The following SCAMP2 variants were observed in gnomAD, a reference collection of about 807,000 sequenced individuals.
SCAMP2 encodes secretory carrier-associated membrane protein 2.
A neutral mutation model predicts 44.1 loss-of-function variants in SCAMP2; 25 were observed. That is an observed-to-expected ratio of 0.57 (90% CI 0.41 to 0.79). The LOEUF (loss-of-function observed/expected upper bound fraction) is 0.79. Among genes scored for constraint, SCAMP2 ranks in the 30% least tolerant of loss-of-function variants. SCAMP2 has a pLI of 0.00. For missense variants in SCAMP2, 355 were observed against 411.0 expected (o/e 0.86, Z 1.18); for synonymous variants, 156 against 166.0 (o/e 0.94, Z 0.46).
intron 1 of SCAMP2, among the ~76,000 whole-genome samples, chr15:74,870,793 A>G (rs776234447): frequency 4.6e-5 from 7 of 152,350 alleles, no homozygotes; most frequent in Middle Eastern, 3.4e-3. Context: ...CTGACAGCGT[A>G]TAATTATTTA....
intron 1 of SCAMP2, among the ~76,000 whole-genome samples, chr15:74,868,299 G>A (rs909503435): frequency 6.6e-6 from 1 of 152,180 alleles, no homozygotes; most frequent in African/African-American, 2.4e-5. Flanking sequence ...CACACGCAAG[G>A]AAGAGGTCAT....
intron 1 of SCAMP2, 51 bp from the exon 2 acceptor site, chr15:74,854,700 G>C: frequency 6.6e-7 from 1 of 1,514,894 alleles, no homozygotes; most frequent in African/African-American, 1.4e-5. Context: ...ATCCGGGCCA[G>C]GGGCCGGCAG....
chr15:74,855,549 T>C (rs764246450), intron 1 of SCAMP2, among the ~76,000 whole-genome samples: 2 of 151,926 alleles, frequency 1.3e-5, no homozygotes, highest in Non-Finnish European at 2.9e-5. Context: ...AAACCCCGTC[T>C]CTACTAAAAA....
rs915926010 is a variant in SCAMP2 at position 74,866,845 on chromosome 15, G to C, written c.57+6354C>G. On this transcript the variant is annotated intron_variant, in intron 1 of 8. Coordinates refer to ENST00000268099, the MANE Select transcript of SCAMP2 (RefSeq NM_005697.5). The stretch of plus-strand genomic sequence containing the variant: ...GGAGTCTCGCTCTGTCATGCAGGCT[G>C]GGGGGCAGTGGTGCAATCTCGGCTC... Among the ~76,000 whole-genome samples the C allele has an allele frequency of 1.1e-3, 158 of 150,162 alleles. 1 individual carries two copies. Among genetic ancestry groups the C allele is most frequent in the Admixed American group, 1.7e-3 (26 of 15,032 alleles).
intron 3 of SCAMP2, chr15:74,852,463 T>G: frequency 3.1e-6 from 1 of 318,882 alleles, no homozygotes; most frequent in Non-Finnish European, 5.7e-6. Flanking sequence ...CTACCCCCAT[T>G]GGCTTCTCCA....
At chr15:74,853,151 G>C (rs1054712549) in intron 3 of SCAMP2, 1 of 325,672 alleles carries the variant, frequency 3.1e-6, no homozygotes, top group Non-Finnish European at 6.2e-6. Context: ...GAGCAGAACT[G>C]ACCCCGCTGT....
intron 1 of SCAMP2, among the ~76,000 whole-genome samples, chr15:74,871,551 G>A (rs1043245340): frequency 3.3e-5 from 5 of 152,014 alleles, no homozygotes; most frequent in Admixed American, 6.6e-5. Flanking sequence ...TCGGGAGTTC[G>A]AGACCAGCCT....
chr15:74,851,054 G>A (rs1038699126), intron 5 of SCAMP2, among the ~76,000 whole-genome samples: 31 of 152,314 alleles, frequency 2.0e-4, no homozygotes, highest in Middle Eastern at 3.4e-3. Flanking sequence ...ACAGGCCTGT[G>A]GGCAGGGAAG....
In SCAMP2 at chr15:74,854,124, A is replaced by G. The variant is rs985926997; in HGVS notation, c.127-5T>C. 3 of 1,612,248 alleles carry G rather than the reference A, an allele frequency of 1.9e-6. No individual in the cohort carries two copies. Among genetic ancestry groups the G allele is most frequent in the African/African-American group, 2.7e-5 (2 of 74,890 alleles). On this transcript the variant is annotated splice_polypyrimidine_tract_variant and splice_region_variant and intron_variant, in intron 2 of 8. Transcript: ENST00000268099. Reference sequence around the variant, plus strand: ...AACTGTTGTCGCTGCATTTGTCTACATGGAACAAATCAAAAGACAGAATTG... The same window carrying G: ...AACTGTTGTCGCTGCATTTGTCTACGTGGAACAAATCAAAAGACAGAATTG...
At chr15:74,864,903 A>G (rs1288439756) in intron 1 of SCAMP2, among the ~76,000 whole-genome samples, 2 of 151,324 alleles carry the variant, frequency 1.3e-5, no homozygotes, top group African/African-American at 4.9e-5. Flanking sequence ...TCTGGCCAAC[A>G]TGGTGAAACC....
intron 1 of SCAMP2, among the ~76,000 whole-genome samples, chr15:74,871,147 C>T (rs2064572384): frequency 6.6e-6 from 1 of 152,136 alleles, no homozygotes; most frequent in Non-Finnish European, 1.5e-5. Flanking sequence ...AGCTGAAAGG[C>T]AGAAAGGTGT....
At position 74,843,790 on chromosome 15, in the gene SCAMP2, T is replaced by A. The variant is rs1416448907; in HGVS notation, c.*1293A>T. On this transcript the variant is annotated 3_prime_UTR_variant, in exon 9 of 9. Coordinates refer to ENST00000268099, the MANE Select transcript of SCAMP2 (RefSeq NM_005697.5). ...AAAATTGAGACGTAACATATACATT[T>A]GTACATAGAGGGGAAAAAATACCAG... 1 of 152,156 alleles carries A rather than the reference T, an allele frequency of 6.6e-6. No individual in the cohort carries two copies. The highest frequency in any genetic ancestry group is 2.4e-5 in the African/African-American group (1 of 41,428). 9.4% of individuals were successfully genotyped at this position (152,156 alleles called of 1,614,324 possible). A position where few individuals can be genotyped will look rare whatever the true frequency, so the allele number is the denominator to read the frequency against.
At position 74,850,636 on chromosome 15, in the gene SCAMP2, G is replaced by A. The variant is rs2064429682; in HGVS notation, c.510C>T (p.Cys170=). ...AGCTGTTGCCCGAGAACCAGGCCAG[G>A]CAGGCAAGCAGGTTCAGAAACAGAG... ...SVTLFLNLLA[C]LAWFSGNSSK... Residue 170 remains cysteine (C), a synonymous_variant, in exon 6 of 9, where the codon TGC becomes TGT. Transcript: ENST00000268099. 1 of 1,614,128 alleles carries A rather than the reference G, an allele frequency of 6.2e-7. No homozygotes were observed. Among genetic ancestry groups the A allele is most frequent in the Non-Finnish European group, 8.5e-7 (1 of 1,179,996 alleles).
At position 74,858,633 on chromosome 15, in the gene SCAMP2, C is replaced by T. The variant is rs899529279; in HGVS notation, c.58-3984G>A. On this transcript the variant is annotated intron_variant, in intron 1 of 8. Coordinates refer to ENST00000268099, the MANE Select transcript of SCAMP2 (RefSeq NM_005697.5). ...TTCAATCCAAGTCTGTCTCCAGGGA[C>T]ACAAGATGGTAAAGCTGAGTGGGGC... Among the ~76,000 whole-genome samples, 3 of 151,938 alleles carry T rather than the reference C, an allele frequency of 2.0e-5. No homozygotes were observed. The South Asian group carries it at 6.2e-4, about 31-fold the overall frequency.
At chr15:74,864,210 T>C (rs901375683) in intron 1 of SCAMP2, among the ~76,000 whole-genome samples, 6 of 152,278 alleles carry the variant, frequency 3.9e-5, no homozygotes, top group South Asian at 2.1e-4. Context: ...TACAGGTGTG[T>C]GCCACCATGC....
chr15:74,856,264 CTTTTTTTT>C (rs34812536), intron 1 of SCAMP2, among the ~76,000 whole-genome samples: 12 of 60,408 alleles, frequency 2.0e-4, no homozygotes, highest in East Asian at 6.5e-4. Context: ...AGAGCCAGTT[CTTTTTTTT>C]TTTTTTTTTT....
In SCAMP2 at chr15:74,850,581, G is replaced by A; in HGVS notation, c.565C>T (p.Leu189=). 1 of 1,613,986 alleles carries A rather than the reference G, an allele frequency of 6.2e-7. No individual in the cohort carries two copies. Among genetic ancestry groups the A allele is most frequent in the East Asian group, 2.2e-5 (1 of 44,896 alleles). Residue 189 remains leucine (L), a synonymous_variant, in exon 6 of 9, where the codon CTG becomes TTG. Coordinates refer to ENST00000268099, the MANE Select transcript of SCAMP2 (RefSeq NM_005697.5). Reference sequence around the variant, plus strand: ...CAGGGAGTGAAGATCAGAAACCACAGGATGGAGAGGCCAAAGTCCACTCCC... The same window carrying A: ...CAGGGAGTGAAGATCAGAAACCACAAGATGGAGAGGCCAAAGTCCACTCCC... ...SKGVDFGLSI[L]WFLIFTPCAF... is the part of the protein sequence containing the mutation.
chr15:74,866,541 A>C (rs1350463679), intron 1 of SCAMP2, among the ~76,000 whole-genome samples: 1 of 152,034 alleles, frequency 6.6e-6, no homozygotes, highest in African/African-American at 2.4e-5. Context: ...TTGAAACCCC[A>C]CCTCTACGAA....
Position 74,851,232 on chromosome 15 carries a change from C to A in SCAMP2, c.472+121G>T, listed in dbSNP as rs1009640776. On this transcript the variant is annotated intron_variant, in intron 5 of 8. Transcript: ENST00000268099. The stretch of plus-strand genomic sequence containing the variant: ...GCATCTCCCCAACCCAGCCCAGGCA[C>A]TGAGGAAGGCTGGAGTCTGCTGAAA... 4.0e-5 allele frequency: 47 copies of A among 1,188,562 alleles called. No homozygotes were observed. In the South Asian group the frequency reaches 4.7e-4, roughly 12 times the overall value. 73.6% of individuals were successfully genotyped at this position (1,188,562 alleles called of 1,614,324 possible).
Sources: gnomAD v4.1 joint callset for allele counts (sites outside exome capture counted in the v4.1 genomes callset) on GRCh38, gnomAD v4.1.1 for gene constraint, MANE v1.5 for transcripts, NCBI Gene and HGNC (gene_info 2026-07-23, HGNC 2026-07-21) for gene names.